The following POLK variants were observed in gnomAD, a reference collection of about 807,000 sequenced individuals.
POLK encodes DNA polymerase kappa.
Under a neutral mutation model 94.0 loss-of-function variants are expected in POLK, and 76 were observed. That is an observed-to-expected ratio of 0.81 (90% CI 0.67 to 0.98). The LOEUF (loss-of-function observed/expected upper bound fraction) is 0.98. POLK is among the 50% of genes least tolerant of loss of function. POLK has a pLI of 0.00. For missense variants in POLK, 954 were observed against 1,010.1 expected, an observed-to-expected ratio of 0.94 and a Z score of 0.75; for synonymous variants, 349 against 325.4, an observed-to-expected ratio of 1.07 and a Z score of -0.78.
intron 1 of POLK, chr5:75,534,947 T>C (rs1345884546): frequency 1.3e-5 from 2 of 152,218 alleles, no homozygotes; most frequent in Non-Finnish European, 2.9e-5. Context: ...TGTCTTTTAA[T>C]TGGGGTGTGC....
At chr5:75,552,810 A>G (rs1310757588) in intron 3 of POLK, among the ~76,000 whole-genome samples, 2 of 152,210 alleles carry the variant, frequency 1.3e-5, no homozygotes, top group African/African-American at 2.4e-5. Flanking sequence ...TCTATTATAC[A>G]GAAGAGTAAA....
chr5:75,532,866 T>C (rs1769249964), intron 1 of POLK, among the ~76,000 whole-genome samples: 1 of 152,260 alleles, frequency 6.6e-6, no homozygotes, highest in African/African-American at 2.4e-5. Flanking sequence ...ATATGTTTGT[T>C]AGCCACGTGT....
upstream of POLK, chr5:75,511,120 G>A (rs767789185): frequency 6.3e-7 from 1 of 1,585,536 alleles, no homozygotes; most frequent in East Asian, 2.2e-5. Flanking sequence ...ACCTTACTGA[G>A]GACCCCGCAG....
intron 1 of POLK, among the ~76,000 whole-genome samples, chr5:75,533,336 T>C (rs1257106353): frequency 3.9e-5 from 6 of 152,232 alleles, no homozygotes; most frequent in African/African-American, 1.4e-4. Context: ...ATTTATTGAA[T>C]AGGGAGTTCT....
In POLK at chr5:75,596,455, G is replaced by T. The variant is rs139550633; in HGVS notation, c.1762G>T (p.Val588Leu). The T allele has an allele frequency of 6.2e-7, 1 of 1,613,608 alleles. No homozygotes were observed. Among genetic ancestry groups the T allele is most frequent in the Middle Eastern group, 1.6e-4 (1 of 6,062 alleles). The change falls in exon 13 of 15, where the codon GTG becomes TTG. Residue 588 changes from valine (V) to leucine (L), a missense_variant. Transcript: ENST00000241436. ...CCAAGATACATTTAAATGTGAAGCCGTGAATAAACAAAGTTTCCAGACATC... is the reference window on the plus strand; with the variant it reads ...CCAAGATACATTTAAATGTGAAGCCTTGAATAAACAAAGTTTCCAGACATC...
chr5:75,566,975 C>T (rs556857946), intron 3 of POLK, among the ~76,000 whole-genome samples: 2 of 152,224 alleles, frequency 1.3e-5, no homozygotes, highest in Non-Finnish European at 2.9e-5. Context: ...CTTTTAAAAG[C>T]AGTAGTGGCA....
chr5:75,567,440 T>C (rs1355050843), intron 3 of POLK, among the ~76,000 whole-genome samples: 1 of 152,250 alleles, frequency 6.6e-6, no homozygotes, highest in South Asian at 2.1e-4. Flanking sequence ...TGTTAAATTT[T>C]GGTAATATTG....
At chr5:75,585,150 G>C (rs1191550458) in intron 9 of POLK, among the ~76,000 whole-genome samples, 1 of 152,202 alleles carries the variant, frequency 6.6e-6, no homozygotes, top group Non-Finnish European at 1.5e-5. Context: ...TGTGTAGAGA[G>C]ACAAGAGGAA....
chr5:75,514,915 A>C (rs1235805579), intron 1 of POLK, among the ~76,000 whole-genome samples: 1 of 152,170 alleles, frequency 6.6e-6, no homozygotes, highest in African/African-American at 2.4e-5. Context: ...TTAAATGATT[A>C]AACATTTGAG....
chr5:75,551,207 C>T (rs1423909373), intron 2 of POLK, among the ~76,000 whole-genome samples: 2 of 152,082 alleles, frequency 1.3e-5, no homozygotes, highest in Admixed American at 6.6e-5. Flanking sequence ...ACTAGAAGAA[C>T]AATCAATAAA....
chr5:75,582,161 A>G (rs746543468), intron 7 of POLK: 11 of 985,356 alleles, frequency 1.1e-5, no homozygotes, highest in Non-Finnish European at 1.3e-5. Flanking sequence ...CAACATAGCA[A>G]TCCAGAACAA....
chr5:75,528,087 A>G (rs571106618), intron 1 of POLK, among the ~76,000 whole-genome samples: 1 of 152,322 alleles, frequency 6.6e-6, no homozygotes, highest in African/African-American at 2.4e-5. Context: ...TCATGATGGC[A>G]TGGAAAATTT....
intron 8 of POLK, among the ~76,000 whole-genome samples, chr5:75,583,839 G>A (rs1466197744): frequency 2.0e-5 from 3 of 151,910 alleles, no homozygotes; most frequent in Non-Finnish European, 2.9e-5. Flanking sequence ...TTTTTAAAAT[G>A]GTAAAATTAT....
At chr5:75,584,447 T>G (rs1772356407) in intron 8 of POLK, among the ~76,000 whole-genome samples, 1 of 152,102 alleles carries the variant, frequency 6.6e-6, no homozygotes, top group Admixed American at 6.5e-5. Flanking sequence ...GGTGGGCGGA[T>G]CACCTAAGGT....
At chr5:75,601,813 G>A (rs567168528), downstream of POLK, among the ~76,000 whole-genome samples, 8 of 152,238 alleles carry the variant, frequency 5.3e-5, no homozygotes, top group East Asian at 1.5e-3. Context: ...TCAGCTTGCA[G>A]ACTGTGGGAC....
At chr5:75,511,288 G>C (rs547785308), upstream of POLK, 64 of 1,573,696 alleles carry the variant, frequency 4.1e-5, no homozygotes, top group Non-Finnish European at 8.6e-7. Flanking sequence ...CGGGGTGAAG[G>C]GTCGGGGGAT....
intron 1 of POLK, 51 bp from the exon 2 acceptor site, chr5:75,546,959 G>A (rs1281092817): frequency 4.1e-6 from 4 of 984,908 alleles, no homozygotes; most frequent in African/African-American, 3.3e-5. Flanking sequence ...GAGCCACCAC[G>A]CCTGGCCACA....
At chr5:75,541,104 A>G (rs1281752950) in intron 1 of POLK, among the ~76,000 whole-genome samples, 1 of 152,008 alleles carries the variant, frequency 6.6e-6, no homozygotes, top group Non-Finnish European at 1.5e-5. Flanking sequence ...AACAACATGG[A>G]GAAACCCCGT....
At chr5:75,597,141 C>T (rs1773136591) in exon 13 of POLK, 10 of 1,606,868 alleles carry the variant, frequency 6.2e-6, no homozygotes, top group Non-Finnish European at 6.8e-6. Flanking sequence ...ATAAATTTAA[C>T]CCAGTTAATC....
Sources: gnomAD v4.1 joint callset for allele counts (sites outside exome capture counted in the v4.1 genomes callset) on GRCh38, gnomAD v4.1.1 for gene constraint, MANE v1.5 for transcripts, NCBI Gene and HGNC (gene_info 2026-07-23, HGNC 2026-07-21) for gene names.